CTSD: variants seen among roughly 807,000 people sequenced by gnomAD.
The protein encoded by CTSD is cathepsin D, also known as ceroid-lipofuscinosis, neuronal 10.
A neutral mutation model predicts 43.6 loss-of-function variants in CTSD; 28 were observed. The ratio of observed to expected loss-of-function variants is 0.64; its 90% CI spans 0.48 to 0.88. CTSD has a LOEUF of 0.88. CTSD is among the 40% of genes least tolerant of loss of function. The pLI is 0.00. For missense variants in CTSD, 485 were observed against 555.2 expected, an observed-to-expected ratio of 0.87 and a Z score of 1.27; for synonymous variants, 270 against 249.8, an observed-to-expected ratio of 1.08 and a Z score of -0.76.
At chr11:1,756,445 GGAAGC>G (rs1845810165) in intron 5 of CTSD, among the ~76,000 whole-genome samples, 1 of 152,180 alleles carries the variant, frequency 6.6e-6, no homozygotes, top group African/African-American at 2.4e-5. Flanking sequence ...GAATTCTGCC[GGAAGC>G]GATCCAAGGT....
At chr11:1,755,458 C>T (rs976290608) in intron 5 of CTSD, 12 of 330,678 alleles carry the variant, frequency 3.6e-5, no homozygotes, top group African/African-American at 6.5e-5. Context: ...TGGTTCTGGC[C>T]GCAGGGCCTC....
rs765320531 is a variant in CTSD, at chr11:1,753,988, G to A, written c.972+6C>T. ...CCCAGCCCCAGCCCCAGCCCCCGGC[G>A]CTCACCTCGCCCTGAATCAGCGGCA... is the stretch of plus-strand genomic sequence containing the variant. On this transcript the variant is annotated splice_donor_region_variant and intron_variant, in intron 7 of 8. Coordinates refer to ENST00000236671, the MANE Select transcript of CTSD (RefSeq NM_001909.5). The A allele has an allele frequency of 4.4e-6, 7 of 1,597,386 alleles. No homozygotes were observed. The highest frequency in any genetic ancestry group is 1.1e-5 in the South Asian group (1 of 90,372).
In CTSD at chr11:1,759,071, G is replaced by C; in HGVS notation, c.369C>G (p.Tyr123Ter). 6.2e-7 allele frequency: 1 copy of C among 1,613,826 alleles called. No individual in the cohort carries two copies. Among genetic ancestry groups the C allele is most frequent in the Non-Finnish European group, 8.5e-7 (1 of 1,179,676 alleles). ...CGTAGGTGCTGGACTTGTCGCTGTT[G>C]TACTTGTGGTGGATCCCTGCCCCGG... Reference protein sequence around the residue: ...LDIACWIHHKYNSDKSSTYVK... With the variant: ...LDIACWIHHK The change falls in exon 4 of 9, where the codon TAC becomes TAG. Residue 123 changes from tyrosine to a stop codon, truncating the protein, a stop_gained. Transcript: ENST00000236671. LOFTEE classifies it high-confidence loss of function.
chr11:1,760,997 T>C (rs558436338), intron 2 of CTSD: 15 of 427,424 alleles, frequency 3.5e-5, no homozygotes, highest in South Asian at 3.1e-4. Context: ...AGTGAAAGGC[T>C]CCAGGTCAGC....
At chr11:1,758,428 C>T (rs1465956976) in intron 4 of CTSD, among the ~76,000 whole-genome samples, 1 of 152,170 alleles carries the variant, frequency 6.6e-6, no homozygotes, top group African/African-American at 2.4e-5. Flanking sequence ...CCAGCTCACC[C>T]TCTCCTAGGG....
rs1590906405 is a variant in CTSD at position 1,757,570 on chromosome 11, C to G, written c.472-14G>C. The G allele has an allele frequency of 1.3e-6, 2 of 1,598,682 alleles. No homozygotes were observed. The highest frequency in any genetic ancestry group is 4.5e-5 in the East Asian group (2 of 44,482). On this transcript the variant is annotated splice_polypyrimidine_tract_variant and intron_variant, in intron 4 of 8. Transcript: ENST00000236671. ...CTGGCAGGGCACCTGCAGGCCAGGG[C>G]AGAGTCAGTGGGCAGCAGACAGGCT...
intron 1 of CTSD, chr11:1,763,164 AG>A (rs1845903798): frequency 1.3e-5 from 2 of 152,598 alleles, no homozygotes; most frequent in African/African-American, 4.8e-5. Flanking sequence ...CACCTGGCAC[AG>A]GGGATCGGCC....
chr11:1,762,536 G>A (rs930182204), intron 1 of CTSD: 7 of 152,278 alleles, frequency 4.6e-5, no homozygotes, highest in African/African-American at 1.7e-4. Flanking sequence ...GATCCCGGAA[G>A]ATGAGATTAT....
rs111849172 is a variant in CTSD, at chr11:1,753,851, C to T, written c.1023G>A (p.Lys341=). The T allele has an allele frequency of 1.1e-5, 18 of 1,613,686 alleles. 1 individual carries two copies. Among genetic ancestry groups the T allele is most frequent in the Middle Eastern group, 1.6e-4 (1 of 6,062 alleles). The change falls in exon 8 of 9, where the codon AAG becomes AAA. Residue 341 remains lysine (K), a synonymous_variant. Transcript: ENST00000236671. ...ACAGCTTGTAGCCTTTGCCTCCCAG[C>T]TTCAGTGTGATCGCGGGCAGGGTGG... ...KVSTLPAITL[K]LGGKGYKLSP...
At chr11:1,754,774 C>T in intron 6 of CTSD, 132 bp downstream of exon 6, 1 of 1,148,332 alleles carries the variant, frequency 8.7e-7, no homozygotes, top group South Asian at 1.3e-5. Flanking sequence ...TGGTCTGACC[C>T]CATCTCTTTC....
At position 1,753,482 on chromosome 11, in the gene CTSD, G is replaced by A. The variant is rs1260331676; in HGVS notation, c.*21C>T. ...TGGGACTCTCCTCTGTTTCTGTGCT[G>A]GCGCGCGGACGCCTTGGGAACTAGA... On this transcript the variant is annotated 3_prime_UTR_variant, in exon 9 of 9. Transcript: ENST00000236671. 5.0e-6 allele frequency: 8 copies of A among 1,612,852 alleles called. No individual in the cohort carries two copies. In the East Asian group the frequency reaches 1.3e-4, roughly 27 times the overall value.
intron 5 of CTSD, among the ~76,000 whole-genome samples, chr11:1,755,598 C>T (rs1325839658): frequency 6.6e-6 from 1 of 152,176 alleles, no homozygotes; most frequent in East Asian, 1.9e-4. Flanking sequence ...CTTCCTAGGA[C>T]CTGCAACCCA....
At chr11:1,755,639 C>A (rs958875983) in intron 5 of CTSD, among the ~76,000 whole-genome samples, 2 of 152,150 alleles carry the variant, frequency 1.3e-5, no homozygotes, top group African/African-American at 4.8e-5. Context: ...AAACATTGCT[C>A]AAGTACAGCT....
At chr11:1,758,273 G>A (rs549091508) in intron 4 of CTSD, among the ~76,000 whole-genome samples, 1 of 152,116 alleles carries the variant, frequency 6.6e-6, no homozygotes, top group South Asian at 2.1e-4. Context: ...GGGCCTGCAG[G>A]GGGGCTCTGC....
intron 5 of CTSD, 118 bp from the exon 6 acceptor site, chr11:1,755,146 C>G (rs753576489): frequency 1.0e-5 from 13 of 1,239,378 alleles, no homozygotes; most frequent in African/African-American, 1.5e-5. Context: ...AGGGGCCTTT[C>G]TGAAACTGCA....
In CTSD at chr11:1,752,994, G is replaced by A. The variant is rs780680894; in HGVS notation, c.*509C>T. 383 of 225,770 alleles carry A rather than the reference G, an allele frequency of 1.7e-3. 16 individuals are homozygous for A. In the Admixed American group the frequency reaches 0.02, roughly 12 times the overall value. 14.0% of individuals were successfully genotyped at this position (225,770 alleles called of 1,614,324 possible). Reference sequence around the variant, plus strand: ...TCCAGCTCATCCTCAGGCCTCTAGCGGCCTCATCCTCAACGGGCCCGGGAC... The same window carrying A: ...TCCAGCTCATCCTCAGGCCTCTAGCAGCCTCATCCTCAACGGGCCCGGGAC... On this transcript the variant is annotated 3_prime_UTR_variant, in exon 9 of 9. Coordinates refer to ENST00000236671, the MANE Select transcript of CTSD (RefSeq NM_001909.5).
chr11:1,754,533 A>AGGGGATGGAGGGATGGAG (rs765498552), intron 6 of CTSD, among the ~76,000 whole-genome samples: 1 of 18,944 alleles, frequency 5.3e-5, no homozygotes, highest in Non-Finnish European at 9.4e-5. Flanking sequence ...GAGGGGATGG[A>AGGGGATGGAGGGATGGAG]GGGATGGAGG....
chr11:1,761,494 C>G, intron 1 of CTSD, 26 bp from the exon 2 acceptor site: 1 of 1,613,352 alleles, frequency 6.2e-7, no homozygotes, highest in Non-Finnish European at 8.5e-7. Context: ...CGGGGCATAT[C>G]AGGGAGGCCC....
intron 5 of CTSD, 113 bp downstream of exon 5, chr11:1,757,211 C>G: frequency 7.5e-6 from 7 of 934,934 alleles, no homozygotes; most frequent in Non-Finnish European, 1.0e-5. Context: ...GTCAGGAGCT[C>G]TGGCACAGCA....
Sources: gnomAD v4.1 joint callset for allele counts (sites outside exome capture counted in the v4.1 genomes callset) on GRCh38, gnomAD v4.1.1 for gene constraint, MANE v1.5 for transcripts, NCBI Gene and HGNC (gene_info 2026-07-23, HGNC 2026-07-21) for gene names.